Variants in HPGDS observed in about 807,000 individuals in gnomAD.
HPGDS encodes hematopoietic prostaglandin D synthase.
Under a neutral mutation model 23.1 loss-of-function variants are expected in HPGDS, and 26 were observed. The ratio of observed to expected loss-of-function variants is 1.13; its 90% CI spans 0.83 to 1.56. The LOEUF is 1.56. Ranked by LOEUF, HPGDS falls within the 40% of genes most tolerant of loss-of-function variation. The probability of loss-of-function intolerance (pLI) is 0.00; values close to 1 mark genes in which losing one functional copy is unlikely to be tolerated. For synonymous variants in HPGDS, 95 were observed against 77.9 expected, an observed-to-expected ratio of 1.22 and a Z score of -1.16; for missense variants, 268 against 236.4, an observed-to-expected ratio of 1.13 and a Z score of -0.88.
intron 3 of HPGDS, among the ~76,000 whole-genome samples, chr4:94,309,261 C>G (rs1446738420): frequency 7.3e-6 from 1 of 136,478 alleles, no homozygotes; most frequent in Non-Finnish European, 1.6e-5. Context: ...CTAATGCTAT[C>G]CCTCCCGCCT....
intron 2 of HPGDS, among the ~76,000 whole-genome samples, chr4:94,324,132 G>T (rs980576632): frequency 6.6e-6 from 1 of 152,214 alleles, no homozygotes; most frequent in Non-Finnish European, 1.5e-5. Context: ...GAGATCAGCT[G>T]TTAGTCTGAT....
intron 3 of HPGDS, among the ~76,000 whole-genome samples, chr4:94,313,113 A>C (rs989736475): frequency 1.3e-5 from 2 of 152,126 alleles, no homozygotes; most frequent in Non-Finnish European, 2.9e-5. Flanking sequence ...TGTGTCTTTT[A>C]ATTGGAGCAT....
rs1755984132 is a variant in HPGDS, at chr4:94,299,297, A to C, written c.*183T>G. On this transcript the variant is annotated 3_prime_UTR_variant, in exon 6 of 6. Coordinates refer to ENST00000295256, the MANE Select transcript of HPGDS (RefSeq NM_014485.3). ...AAATGATGAGAAGCTATTCTGAAAG[A>C]AAAAGATACTGAAGAAAGATTTGTT... 2 of 542,064 alleles carry C rather than the reference A, an allele frequency of 3.7e-6. No homozygotes were observed. Among genetic ancestry groups the C allele is most frequent in the Non-Finnish European group, 6.3e-6 (2 of 316,240 alleles). 33.6% of individuals were successfully genotyped at this position (542,064 alleles called of 1,614,324 possible). A position where few individuals can be genotyped will look rare whatever the true frequency, so the allele number is the denominator to read the frequency against.
intron 2 of HPGDS, among the ~76,000 whole-genome samples, chr4:94,330,819 C>A (rs1351329886): frequency 6.6e-6 from 1 of 152,020 alleles, no homozygotes; most frequent in Non-Finnish European, 1.5e-5. Context: ...CTGAATATTT[C>A]TTTTGACAGC....
At chr4:94,340,297 C>CT (rs756285763) in intron 1 of HPGDS, among the ~76,000 whole-genome samples, 1 of 37,440 alleles carries the variant, frequency 2.7e-5, no homozygotes, top group African/African-American at 7.1e-5. Flanking sequence ...TTCTTTCTTT[C>CT]TTTCTTTCTT....
At chr4:94,314,992 G>A (rs1000055882) in intron 3 of HPGDS, among the ~76,000 whole-genome samples, 9 of 152,198 alleles carry the variant, frequency 5.9e-5, no homozygotes, top group East Asian at 1.9e-4. Context: ...TCGGAAACGC[G>A]CAGTGTTAGG....
intron 1 of HPGDS, among the ~76,000 whole-genome samples, chr4:94,335,085 G>A (rs551103105): frequency 1.3e-5 from 2 of 152,196 alleles, no homozygotes; most frequent in African/African-American, 4.8e-5. Flanking sequence ...ACAGCCAAGG[G>A]CTGGGCACAT....
intron 2 of HPGDS, among the ~76,000 whole-genome samples, chr4:94,333,499 G>A (rs956900806): frequency 6.6e-6 from 1 of 152,190 alleles, no homozygotes. Context: ...TTTGACAACT[G>A]TATGGAGCAA....
At chr4:94,327,917 G>A (rs1273164786) in intron 2 of HPGDS, among the ~76,000 whole-genome samples, 1 of 152,186 alleles carries the variant, frequency 6.6e-6, no homozygotes, top group African/African-American at 2.4e-5. Context: ...GTCTGGTGGG[G>A]ACTGGGCTCT....
intron 3 of HPGDS, among the ~76,000 whole-genome samples, chr4:94,310,623 T>G (rs1756246964): frequency 6.6e-6 from 1 of 152,200 alleles, no homozygotes; most frequent in Non-Finnish European, 1.5e-5. Flanking sequence ...TGCAGGCTCT[T>G]TTTTGGTTCC....
At chr4:94,334,296 A>T (rs1161104555) in intron 2 of HPGDS, 2 of 453,256 alleles carry the variant, frequency 4.4e-6, no homozygotes, top group African/African-American at 4.0e-5. Flanking sequence ...TTACCTTTAT[A>T]TTCTCTTTCT....
At chr4:94,310,757 C>T (rs1251042675) in intron 3 of HPGDS, among the ~76,000 whole-genome samples, 1 of 152,180 alleles carries the variant, frequency 6.6e-6, no homozygotes, top group Non-Finnish European at 1.5e-5. Context: ...ATTGATTCTT[C>T]CTACCCATGA....
At chr4:94,321,209 T>C (rs1756502070) in intron 2 of HPGDS, among the ~76,000 whole-genome samples, 1 of 152,212 alleles carries the variant, frequency 6.6e-6, no homozygotes, top group African/African-American at 2.4e-5. Context: ...TGTCTCCAGC[T>C]TTGTTCTTTT....
At chr4:94,329,499 ACTAG>A (rs1756698955) in intron 2 of HPGDS, among the ~76,000 whole-genome samples, 1 of 152,330 alleles carries the variant, frequency 6.6e-6, no homozygotes, top group South Asian at 2.1e-4. Context: ...AGGAGATAAA[ACTAG>A]CTAAGTGGAA....
At chr4:94,332,766 A>G (rs182219870) in intron 2 of HPGDS, among the ~76,000 whole-genome samples, 1 of 152,122 alleles carries the variant, frequency 6.6e-6, no homozygotes, top group African/African-American at 2.4e-5. Context: ...TGCTACTACA[A>G]ATTCATGAGC....
At chr4:94,315,938 C>T (rs1756388628) in intron 3 of HPGDS, among the ~76,000 whole-genome samples, 2 of 152,118 alleles carry the variant, frequency 1.3e-5, no homozygotes, top group Non-Finnish European at 2.9e-5. Context: ...TTTCAGCCTC[C>T]TTTTGGATAT....
At chr4:94,318,024 C>A in intron 2 of HPGDS, 59 bp from the exon 3 acceptor site, 1 of 897,564 alleles carries the variant, frequency 1.1e-6, no homozygotes, top group East Asian at 2.5e-5. Context: ...TATATTACTT[C>A]CATTTTTACT....
chr4:94,311,264 G>C (rs1260961784), intron 3 of HPGDS, among the ~76,000 whole-genome samples: 1 of 151,750 alleles, frequency 6.6e-6, no homozygotes, highest in African/African-American at 2.4e-5. Flanking sequence ...TATGATATTG[G>C]CTGTGGGTTT....
Position 94,311,357 on chromosome 4 carries a change from A to G in HPGDS, c.227-2614T>C, listed in dbSNP as rs530758248. On this transcript the variant is annotated intron_variant, in intron 3 of 5. Transcript: ENST00000295256. ...AGTTTTTAGCATGAAGGGCTGTGGA[A>G]TTGTGTCCAAGGCCTTTTCTGCATC... Among the ~76,000 whole-genome samples, 59 of 151,284 alleles carry G rather than the reference A, an allele frequency of 3.9e-4. 1 individual carries two copies. The highest frequency in any genetic ancestry group is 7.1e-4 in the Non-Finnish European group (48 of 68,006).
Sources: allele counts gnomAD v4.1 joint callset (sites outside exome capture counted in the v4.1 genomes callset), GRCh38; gene constraint gnomAD v4.1.1; transcripts MANE v1.5; gene names NCBI Gene and HGNC (gene_info 2026-07-23, HGNC 2026-07-21).